Variants in SCFD2 observed in about 807,000 individuals in gnomAD.
The protein encoded by SCFD2 is sec1 family domain containing 2, also known as sec1 family domain-containing protein 2.
A neutral mutation model predicts 58.9 loss-of-function variants in SCFD2; 54 were observed. The ratio of observed to expected loss-of-function variants is 0.92; its 90% CI spans 0.74 to 1.15. The LOEUF (loss-of-function observed/expected upper bound fraction) is 1.15. Among genes scored for constraint, SCFD2 ranks in the 50% most tolerant of loss-of-function variants. The pLI is 0.00. For synonymous variants in SCFD2, 321 were observed against 335.9 expected (o/e 0.96, Z 0.49); for missense variants, 805 against 836.6 (o/e 0.96, Z 0.47).
intron 4 of SCFD2, among the ~76,000 whole-genome samples, chr4:53,251,032 A>C (rs989663412): frequency 6.6e-6 from 1 of 152,214 alleles, no homozygotes; most frequent in Admixed American, 6.5e-5. Context: ...TAGATGCAAT[A>C]AAAAATGACA....
chr4:53,343,674 C>T (rs1450905431), intron 2 of SCFD2, among the ~76,000 whole-genome samples: 2 of 152,166 alleles, frequency 1.3e-5, no homozygotes, highest in Admixed American at 1.3e-4. Flanking sequence ...AGACCAATAT[C>T]CCTGATGAAC....
intron 7 of SCFD2, among the ~76,000 whole-genome samples, chr4:52,887,870 T>TTATAC (rs1212040999): frequency 6.6e-6 from 1 of 151,704 alleles, no homozygotes; most frequent in Non-Finnish European, 1.5e-5. Flanking sequence ...CCTTGCCTGA[T>TTATAC]TATACCCACG....
intron 4 of SCFD2, among the ~76,000 whole-genome samples, chr4:53,198,806 C>G (rs1029061222): frequency 6.6e-6 from 1 of 152,004 alleles, no homozygotes; most frequent in Non-Finnish European, 1.5e-5. Flanking sequence ...GTGATAGGTT[C>G]CTTTTCAAGA....
At chr4:53,292,111 G>T (rs1438297166) in intron 3 of SCFD2, among the ~76,000 whole-genome samples, 1 of 151,818 alleles carries the variant, frequency 6.6e-6, no homozygotes, top group Non-Finnish European at 1.5e-5. Flanking sequence ...AGAAAATCTA[G>T]GCAATACCAT....
intron 3 of SCFD2, among the ~76,000 whole-genome samples, chr4:53,284,616 C>T (rs1462367895): frequency 6.6e-6 from 1 of 152,020 alleles, no homozygotes; most frequent in Admixed American, 6.6e-5. Context: ...ATGCGTTCAA[C>T]AGATAAATAA....
At chr4:53,309,460 G>T (rs1299905980) in intron 3 of SCFD2, among the ~76,000 whole-genome samples, 1 of 152,146 alleles carries the variant, frequency 6.6e-6, no homozygotes, top group Admixed American at 6.6e-5. Context: ...TAACTCCAGA[G>T]ATTTTTTCCA....
intron 4 of SCFD2, among the ~76,000 whole-genome samples, chr4:53,232,021 A>G (rs367768753): frequency 6.6e-6 from 1 of 152,146 alleles, no homozygotes; most frequent in Non-Finnish European, 1.5e-5. Flanking sequence ...TGGGTATCAT[A>G]TATTCAATAA....
chr4:53,038,780 C>CT (rs1249954181), intron 5 of SCFD2, among the ~76,000 whole-genome samples: 1 of 151,822 alleles, frequency 6.6e-6, no homozygotes, highest in Non-Finnish European at 1.5e-5. Context: ...CCTCAATCTC[C>CT]TGGGCTCAAG....
chr4:53,014,933 T>C (rs910711795), intron 5 of SCFD2, among the ~76,000 whole-genome samples: 1 of 152,258 alleles, frequency 6.6e-6, no homozygotes. Context: ...TTCCCTGTTA[T>C]AAGGGTACAT....
intron 5 of SCFD2, among the ~76,000 whole-genome samples, chr4:53,084,764 T>G (rs1724256961): frequency 6.6e-6 from 1 of 152,118 alleles, no homozygotes. Context: ...ATGTGATGTG[T>G]CATATCAACA....
At chr4:53,096,393 T>G (rs1034363457) in intron 5 of SCFD2, among the ~76,000 whole-genome samples, 1 of 152,230 alleles carries the variant, frequency 6.6e-6, no homozygotes, top group African/African-American at 2.4e-5. Flanking sequence ...TTTCCTGACT[T>G]TTTAATGATT....
At chr4:53,011,092 C>T (rs1272392552) in intron 5 of SCFD2, among the ~76,000 whole-genome samples, 1 of 152,084 alleles carries the variant, frequency 6.6e-6, no homozygotes, top group Non-Finnish European at 1.5e-5. Flanking sequence ...TTTATTTTCC[C>T]CCTAAAAAAG....
At chr4:52,956,184 G>C (rs889686546) in intron 5 of SCFD2, 2 of 456,584 alleles carry the variant, frequency 4.4e-6, no homozygotes, top group African/African-American at 4.0e-5. Flanking sequence ...TCACAGAATG[G>C]TCATCCCTGG....
intron 4 of SCFD2, among the ~76,000 whole-genome samples, chr4:53,153,915 C>A (rs1726586600): frequency 6.6e-6 from 1 of 152,198 alleles, no homozygotes; most frequent in Non-Finnish European, 1.5e-5. Flanking sequence ...GACCATCATT[C>A]CAATTCTCAA....
At chr4:53,032,972 T>C (rs372943736) in intron 5 of SCFD2, among the ~76,000 whole-genome samples, 117 of 152,272 alleles carry the variant, frequency 7.7e-4, no homozygotes, top group African/African-American at 2.6e-3. Context: ...GCAGACCTAA[T>C]AGACATCTAC....
At chr4:53,179,806 A>C (rs1199260057) in intron 4 of SCFD2, among the ~76,000 whole-genome samples, 2 of 152,202 alleles carry the variant, frequency 1.3e-5, no homozygotes, top group African/African-American at 2.4e-5. Context: ...GTGGAGGAAG[A>C]CCTACCAAGC....
intron 2 of SCFD2, among the ~76,000 whole-genome samples, chr4:53,349,525 A>G (rs10517291): frequency 0.071 from 10,882 of 152,220 alleles, 613 homozygotes; most frequent in East Asian, 0.22. Context: ...ATTTCTATTG[A>G]GTCTCTTGTC....
intron 2 of SCFD2, among the ~76,000 whole-genome samples, chr4:53,342,014 C>A (rs1158825358): frequency 3.3e-5 from 5 of 152,104 alleles, no homozygotes; most frequent in African/African-American, 1.2e-4. Context: ...TACCAAATTG[C>A]AAAGACCATC....
intron 5 of SCFD2, among the ~76,000 whole-genome samples, chr4:53,126,004 C>T (rs1411957209): frequency 6.6e-6 from 1 of 152,150 alleles, no homozygotes; most frequent in East Asian, 1.9e-4. Flanking sequence ...AGGCACTTCT[C>T]CCATGAAGGA....
Sources: gnomAD v4.1 joint callset for allele counts (sites outside exome capture counted in the v4.1 genomes callset) on GRCh38, gnomAD v4.1.1 for gene constraint, MANE v1.5 for transcripts, NCBI Gene and HGNC (gene_info 2026-07-23, HGNC 2026-07-21) for gene names.